UBE3C: variants seen among roughly 807,000 people sequenced by gnomAD.
The protein encoded by UBE3C is ubiquitin protein ligase E3C, also known as ubiquitin-protein ligase E3C.
In UBE3C, 42 loss-of-function variants were observed where a neutral mutation model predicts 129.4. That is an observed-to-expected ratio of 0.32 (90% confidence interval 0.25 to 0.42). UBE3C has a LOEUF of 0.42. Ranked by LOEUF, UBE3C falls within the 10% of genes least tolerant of loss-of-function variation. The pLI is 1.00. For missense variants in UBE3C, 1,049 were observed against 1,319.1 expected (o/e 0.80, Z 3.17); for synonymous variants, 510 against 492.4 (o/e 1.04, Z -0.47).
intron 10 of UBE3C, chr7:157,192,498 T>C (rs538989366): frequency 6.5e-4 from 496 of 759,500 alleles, no homozygotes; most frequent in Non-Finnish European, 1.1e-3. Context: ...CAAAGACTGA[T>C]CTTTGCTGGC....
At chr7:157,261,299 T>G (rs201384626) in intron 22 of UBE3C, among the ~76,000 whole-genome samples, 2 of 65,434 alleles carry the variant, frequency 3.1e-5, no homozygotes, top group Non-Finnish European at 5.4e-5. Context: ...AGAGCAAAAC[T>G]CTGTCTGAAA....
intron 22 of UBE3C, among the ~76,000 whole-genome samples, chr7:157,264,144 C>T (rs905283242): frequency 6.7e-6 from 1 of 149,616 alleles, no homozygotes; most frequent in Non-Finnish European, 1.5e-5. Flanking sequence ...CACACACACA[C>T]CTGGTATTAC....
chr7:157,175,136 A>AATTTTTTTTTTTTTT, intron 5 of UBE3C, 102 bp downstream of exon 5: 1 of 372,758 alleles, frequency 2.7e-6, no homozygotes, highest in East Asian at 7.0e-5. Flanking sequence ...GCTTTTCCAT[A>AATTTTTTTTTTTTTT]CTTTTTTTTT....
At chr7:157,234,725 G>A (rs1280574380) in intron 18 of UBE3C, among the ~76,000 whole-genome samples, 2 of 152,118 alleles carry the variant, frequency 1.3e-5, no homozygotes, top group African/African-American at 4.8e-5. Flanking sequence ...ATCATCTTCA[G>A]GCTCACCGTA....
At chr7:157,265,901 T>C (rs1164945409) in intron 22 of UBE3C, among the ~76,000 whole-genome samples, 1 of 152,218 alleles carries the variant, frequency 6.6e-6, no homozygotes, top group Non-Finnish European at 1.5e-5. Flanking sequence ...CAAATTTCCC[T>C]GATCATCTTT....
At chr7:157,201,343 GTA>G (rs1275648118) in intron 10 of UBE3C, among the ~76,000 whole-genome samples, 1 of 151,940 alleles carries the variant, frequency 6.6e-6, no homozygotes, top group Non-Finnish European at 1.5e-5. Flanking sequence ...AAAAAGAAAA[GTA>G]TAAGCAGTAA....
intron 14 of UBE3C, among the ~76,000 whole-genome samples, chr7:157,217,841 AAAAG>A (rs920295261): frequency 6.6e-6 from 1 of 152,006 alleles, no homozygotes; most frequent in Admixed American, 6.6e-5. Context: ...CCGTCTCAAA[AAAAG>A]AAAGAAAAAT....
At chr7:157,156,713 TAAAAA>T (rs555689452) in intron 1 of UBE3C, among the ~76,000 whole-genome samples, 1 of 140,502 alleles carries the variant, frequency 7.1e-6, no homozygotes, top group African/African-American at 2.6e-5. Context: ...CCCTTCTTTT[TAAAAA>T]AAAAAAAAAA....
intron 22 of UBE3C, among the ~76,000 whole-genome samples, chr7:157,261,097 G>A (rs1796892265): frequency 1.3e-5 from 2 of 151,886 alleles, no homozygotes; most frequent in South Asian, 4.2e-4. Flanking sequence ...GAGGCCAGGA[G>A]TTCAAGACGA....
chr7:157,170,260 C>T, intron 3 of UBE3C, 44 bp from the exon 4 acceptor site: 1 of 1,404,144 alleles, frequency 7.1e-7, no homozygotes, highest in Non-Finnish European at 9.3e-7. Flanking sequence ...ATTGTGTGTC[C>T]AAATACTATA....
chr7:157,266,171 G>A (rs1019961488), intron 22 of UBE3C, among the ~76,000 whole-genome samples: 5 of 152,026 alleles, frequency 3.3e-5, no homozygotes, highest in Admixed American at 6.6e-5. Flanking sequence ...AAAATTAGCC[G>A]GGCGTGGTGG....
chr7:157,179,604 T>A (rs3802122), intron 6 of UBE3C, among the ~76,000 whole-genome samples: 52,430 of 151,988 alleles, frequency 0.34, 10,371 homozygotes, highest in African/African-American at 0.54. Context: ...ACTTCAGGAC[T>A]CCTGGGCTCG....
intron 8 of UBE3C, among the ~76,000 whole-genome samples, chr7:157,182,547 C>G (rs918552482): frequency 5.3e-5 from 8 of 152,136 alleles, no homozygotes; most frequent in South Asian, 2.1e-4. Flanking sequence ...TGAGGCCACA[C>G]AGATTATTTT....
intron 11 of UBE3C, among the ~76,000 whole-genome samples, chr7:157,203,807 A>T (rs1809355417): frequency 6.6e-6 from 1 of 152,058 alleles, no homozygotes; most frequent in Non-Finnish European, 1.5e-5. Flanking sequence ...CAATACAGAT[A>T]CTCCTTGAGG....
intron 1 of UBE3C, among the ~76,000 whole-genome samples, chr7:157,147,300 G>A (rs1296033916): frequency 1.3e-5 from 2 of 152,134 alleles, no homozygotes; most frequent in African/African-American, 4.8e-5. Flanking sequence ...AATGTGAATG[G>A]TATTGTGTTT....
chr7:157,167,044 C>T (rs1192705574), intron 2 of UBE3C, among the ~76,000 whole-genome samples: 1 of 152,106 alleles, frequency 6.6e-6, no homozygotes, highest in Non-Finnish European at 1.5e-5. Flanking sequence ...ATTCTCCTGC[C>T]TCAGCCTCCC....
At chr7:157,257,830 T>C (rs1796793310) in intron 22 of UBE3C, among the ~76,000 whole-genome samples, 1 of 151,190 alleles carries the variant, frequency 6.6e-6, no homozygotes, top group South Asian at 2.1e-4. Context: ...CATATTAACA[T>C]TTAAAAATGC....
chr7:157,245,296 T>A (rs1376173375), intron 18 of UBE3C, among the ~76,000 whole-genome samples: 1 of 152,226 alleles, frequency 6.6e-6, no homozygotes, highest in Admixed American at 6.5e-5. Context: ...ACAGTGACCT[T>A]ATATATTGAA....
intron 18 of UBE3C, among the ~76,000 whole-genome samples, chr7:157,233,549 G>C (rs754852756): frequency 9.9e-5 from 15 of 152,086 alleles, no homozygotes; most frequent in Non-Finnish European, 1.9e-4. Context: ...CAAAAGGCTA[G>C]AATTACAGGT....
Sources: allele counts gnomAD v4.1 joint callset (sites outside exome capture counted in the v4.1 genomes callset), GRCh38; gene constraint gnomAD v4.1.1; transcripts MANE v1.5; gene names NCBI Gene and HGNC (gene_info 2026-07-23, HGNC 2026-07-21).